Variants in EDARADD observed in about 807,000 individuals in gnomAD.
The protein encoded by EDARADD is EDAR associated via death domain.
EDARADD carries 20 observed loss-of-function variants against 25.6 expected under a neutral mutation model. The observed-to-expected ratio is 0.78, with a 90% CI of 0.55 to 1.14. The LOEUF (loss-of-function observed/expected upper bound fraction) is 1.14. EDARADD is among the 50% of genes most tolerant of loss of function. The pLI is 0.00. For missense variants in EDARADD, 225 were observed against 270.1 expected (o/e 0.83, Z 1.17); for synonymous variants, 86 against 94.4 (o/e 0.91, Z 0.52).
At chr1:236,443,776 G>A (rs1049088129) in intron 4 of EDARADD, among the ~76,000 whole-genome samples, 7 of 152,158 alleles carry the variant, frequency 4.6e-5, no homozygotes, top group African/African-American at 1.7e-4. Flanking sequence ...CATAAACTTA[G>A]AATAGTACAT....
chr1:236,483,523 A>C lies in EDARADD; in HGVS notation c.*874A>C. ...CTGGGAGTGTCCCTCGCTGCCTGCAAAGCTAGTGCTGTTGAGAAGGGGGTT... is the reference window on the plus strand; with the variant it reads ...CTGGGAGTGTCCCTCGCTGCCTGCACAGCTAGTGCTGTTGAGAAGGGGGTT... On this transcript the variant is annotated 3_prime_UTR_variant, in exon 6 of 6. Coordinates refer to ENST00000334232, the MANE Select transcript of EDARADD (RefSeq NM_145861.4). The C allele has an allele frequency of 9.4e-7, 1 of 1,061,954 alleles. No homozygotes were observed. The highest frequency in any genetic ancestry group is 1.5e-6 in the Non-Finnish European group (1 of 679,182). The allele number at this position is 1,061,954 out of a possible 1,614,324, so 65.8% of individuals were successfully genotyped here.
intron 3 of EDARADD, among the ~76,000 whole-genome samples, chr1:236,379,247 G>A (rs1434338615): frequency 6.6e-6 from 1 of 152,026 alleles, no homozygotes; most frequent in African/African-American, 2.4e-5. Context: ...GCGCATGTCT[G>A]TAATCCCAGC....
At chr1:236,440,778 G>A (rs1226129533) in intron 4 of EDARADD, among the ~76,000 whole-genome samples, 4 of 152,080 alleles carry the variant, frequency 2.6e-5, no homozygotes, top group Non-Finnish European at 5.9e-5. Context: ...ACCATGAACT[G>A]CACCCATATA....
At chr1:236,479,623 G>GC (rs35715102) in intron 5 of EDARADD, among the ~76,000 whole-genome samples, 45,006 of 151,732 alleles carry the variant, frequency 0.3, 7,437 homozygotes, top group Non-Finnish European at 0.36. Flanking sequence ...CCAAGTCCCA[G>GC]CTTCTACTCC....
intron 3 of EDARADD, among the ~76,000 whole-genome samples, chr1:236,370,264 A>G (rs1667160022): frequency 1.3e-5 from 2 of 152,044 alleles, no homozygotes; most frequent in African/African-American, 4.8e-5. Flanking sequence ...CTACTAAAAT[A>G]CAAAAAATCA....
At chr1:236,399,116 A>C (rs929321660) in intron 1 of EDARADD, among the ~76,000 whole-genome samples, 2 of 152,248 alleles carry the variant, frequency 1.3e-5, no homozygotes, top group Non-Finnish European at 2.9e-5. Flanking sequence ...AGATGTTTGT[A>C]TATCCACGTG....
Position 236,483,171 on chromosome 1 carries a change from A to C in EDARADD, c.*522A>C, listed in dbSNP as rs11544488. ...CAGTGGCTAGAAATTCACCATGTCTATTCTCAAGATCCATGCCAGGGAGCT... is the reference window on the plus strand; with the variant it reads ...CAGTGGCTAGAAATTCACCATGTCTCTTCTCAAGATCCATGCCAGGGAGCT... On this transcript the variant is annotated 3_prime_UTR_variant, in exon 6 of 6. Coordinates refer to ENST00000334232, the MANE Select transcript of EDARADD (RefSeq NM_145861.4). The C allele has an allele frequency of 2.6e-6, 4 of 1,556,416 alleles. No homozygotes were observed. Among genetic ancestry groups the C allele is most frequent in the Non-Finnish European group, 3.5e-6 (4 of 1,130,110 alleles).
chr1:236,350,315 C>T (rs960849785), intron 2 of EDARADD, among the ~76,000 whole-genome samples: 3 of 152,112 alleles, frequency 2.0e-5, no homozygotes, highest in African/African-American at 4.8e-5. Flanking sequence ...AAATAAAACC[C>T]ATGTGATGAG....
intron 4 of EDARADD, among the ~76,000 whole-genome samples, chr1:236,442,079 C>T (rs113602991): frequency 7.8e-4 from 119 of 151,654 alleles, no homozygotes; most frequent in African/African-American, 2.8e-3. Flanking sequence ...CCAGTGTAGA[C>T]GAAACAACCT....
At chr1:236,413,430 T>C (rs564999638) in intron 2 of EDARADD, among the ~76,000 whole-genome samples, 1 of 152,288 alleles carries the variant, frequency 6.6e-6, no homozygotes, top group African/African-American at 2.4e-5. Flanking sequence ...TCTCCTCTCT[T>C]GGAGGAAGAC....
chr1:236,393,539 G>C (rs1667460145), upstream of EDARADD, among the ~76,000 whole-genome samples: 2 of 151,970 alleles, frequency 1.3e-5, no homozygotes, highest in South Asian at 4.2e-4. Flanking sequence ...GGGAGTACAG[G>C]CATGTGCCAC....
intron 5 of EDARADD, among the ~76,000 whole-genome samples, chr1:236,474,293 C>T (rs558718318): frequency 2.0e-5 from 3 of 152,152 alleles, no homozygotes; most frequent in Non-Finnish European, 4.4e-5. Context: ...AGAAACCTGG[C>T]CCTTCTTCAC....
intron 1 of EDARADD, among the ~76,000 whole-genome samples, chr1:236,400,219 C>T (rs1270567589): frequency 1.3e-5 from 2 of 152,160 alleles, no homozygotes; most frequent in Admixed American, 6.6e-5. Context: ...CTTCTCTCTA[C>T]CCAAGCATTT....
intron 4 of EDARADD, among the ~76,000 whole-genome samples, chr1:236,428,118 C>G (rs1427013338): frequency 1.8e-4 from 28 of 151,750 alleles, no homozygotes; most frequent in Admixed American, 3.3e-4. Context: ...AGGGCCCTGC[C>G]GCCTTCTGCA....
chr1:236,450,073 C>G (rs1658669261), intron 4 of EDARADD, among the ~76,000 whole-genome samples: 1 of 150,212 alleles, frequency 6.7e-6, no homozygotes, highest in Non-Finnish European at 1.5e-5. Flanking sequence ...TGCACTCCAG[C>G]CTGGGTGACA....
At chr1:236,377,704 A>G (rs1667240138) in intron 3 of EDARADD, among the ~76,000 whole-genome samples, 1 of 151,554 alleles carries the variant, frequency 6.6e-6, no homozygotes, top group East Asian at 2.0e-4. Context: ...CTAAAAATAC[A>G]AAAATTAGCT....
intron 3 of EDARADD, among the ~76,000 whole-genome samples, chr1:236,356,128 C>A (rs894293059): frequency 6.6e-6 from 1 of 152,050 alleles, no homozygotes; most frequent in African/African-American, 2.4e-5. Context: ...GAGAGTAGGG[C>A]AGAGAGGAAA....
chr1:236,367,850 T>G (rs140723385), intron 3 of EDARADD, among the ~76,000 whole-genome samples: 1 of 152,168 alleles, frequency 6.6e-6, no homozygotes, highest in Non-Finnish European at 1.5e-5. Flanking sequence ...GGCTCATGCC[T>G]GTAATTCTAG....
At chr1:236,480,571 C>T (rs928220310) in intron 5 of EDARADD, among the ~76,000 whole-genome samples, 4 of 151,992 alleles carry the variant, frequency 2.6e-5, no homozygotes, top group African/African-American at 4.8e-5. Flanking sequence ...CTTTACCTTC[C>T]GAAACTGGGA....
Sources: allele counts gnomAD v4.1 joint callset (sites outside exome capture counted in the v4.1 genomes callset), GRCh38; gene constraint gnomAD v4.1.1; transcripts MANE v1.5; gene names NCBI Gene and HGNC (gene_info 2026-07-23, HGNC 2026-07-21).